The following BCKDHB variants were observed in gnomAD, a reference collection of about 807,000 sequenced individuals.
The protein encoded by BCKDHB is branched chain keto acid dehydrogenase E1 subunit beta, also known as 2-oxoisovalerate dehydrogenase subunit beta, mitochondrial.
A neutral mutation model predicts 48.5 loss-of-function variants in BCKDHB; 41 were observed. The ratio of observed to expected loss-of-function variants is 0.85; its 90% confidence interval spans 0.66 to 1.10. BCKDHB has a LOEUF of 1.10. Among genes scored for constraint, BCKDHB ranks in the 50% least tolerant of loss-of-function variants. BCKDHB has a pLI of 0.00. For synonymous variants in BCKDHB, 201 were observed against 174.8 expected (o/e 1.15, Z -1.18); for missense variants, 496 against 494.2 (o/e 1.00, Z -0.03).
the BCKDHB span, among the ~76,000 whole-genome samples, chr6:80,420,118 T>C: frequency 6.6e-6 from 1 of 152,196 alleles, no homozygotes; most frequent in Non-Finnish European, 1.5e-5. Flanking sequence ...GGTGACTACT[T>C]TGTATTCTTT....
the BCKDHB span, among the ~76,000 whole-genome samples, chr6:80,371,914 T>G: frequency 6.6e-6 from 1 of 152,160 alleles, no homozygotes; most frequent in Non-Finnish European, 1.5e-5. Flanking sequence ...TCAGGTAATG[T>G]GATGCCTCCA....
the BCKDHB span, among the ~76,000 whole-genome samples, chr6:80,399,652 T>G: frequency 2.6e-5 from 4 of 152,164 alleles, no homozygotes; most frequent in Admixed American, 2.0e-4. Flanking sequence ...ATCATTATCA[T>G]TATAATGGCA....
At chr6:80,143,410 C>G (rs1771319806) in intron 3 of BCKDHB, among the ~76,000 whole-genome samples, 1 of 152,124 alleles carries the variant, frequency 6.6e-6, no homozygotes, top group African/African-American at 2.4e-5. Flanking sequence ...ATAAAGTTCA[C>G]TAGGAAAAGT....
At chr6:80,416,002 G>A in the BCKDHB span, among the ~76,000 whole-genome samples, 1 of 151,702 alleles carries the variant, frequency 6.6e-6, no homozygotes, top group Non-Finnish European at 1.5e-5. Flanking sequence ...TGTTTTGGGA[G>A]GGTGTATTTC....
At chr6:80,118,011 C>T (rs942182510) in intron 1 of BCKDHB, among the ~76,000 whole-genome samples, 7 of 152,092 alleles carry the variant, frequency 4.6e-5, no homozygotes, top group Admixed American at 1.3e-4. Flanking sequence ...ATAGACAAGT[C>T]AAGATCTTAC....
At chr6:80,304,972 G>A (rs916255410) in intron 9 of BCKDHB, among the ~76,000 whole-genome samples, 1 of 152,040 alleles carries the variant, frequency 6.6e-6, no homozygotes, top group Non-Finnish European at 1.5e-5. Context: ...GGAAGCATTA[G>A]CTTTAATATC....
At chr6:80,426,937 A>G in the BCKDHB span, among the ~76,000 whole-genome samples, 2 of 152,122 alleles carry the variant, frequency 1.3e-5, no homozygotes, top group African/African-American at 4.8e-5. Flanking sequence ...TCTTTAAACT[A>G]TAATTTTGGA....
At chr6:80,335,966 A>G (rs1257720310) in intron 9 of BCKDHB, among the ~76,000 whole-genome samples, 3 of 152,096 alleles carry the variant, frequency 2.0e-5, no homozygotes, top group Non-Finnish European at 4.4e-5. Context: ...CTGGACAACA[A>G]TAAGCACAGT....
At chr6:80,352,703 A>AT in the BCKDHB span, among the ~76,000 whole-genome samples, 1 of 152,186 alleles carries the variant, frequency 6.6e-6, no homozygotes, top group Non-Finnish European at 1.5e-5. Flanking sequence ...ATTGTGCTCA[A>AT]TTTTTTAAAA....
chr6:80,239,583 C>T (rs1562165364), intron 8 of BCKDHB, among the ~76,000 whole-genome samples: 1 of 152,160 alleles, frequency 6.6e-6, no homozygotes, highest in Non-Finnish European at 1.5e-5. Context: ...GTCTCCTTTG[C>T]TGTGCAGAAG....
chr6:80,370,573 C>T, the BCKDHB span, among the ~76,000 whole-genome samples: 1 of 152,120 alleles, frequency 6.6e-6, no homozygotes, highest in Non-Finnish European at 1.5e-5. Context: ...CCTGAGTCCT[C>T]AAAGTCCATT....
At chr6:80,430,033 C>T in the BCKDHB span, among the ~76,000 whole-genome samples, 1 of 152,248 alleles carries the variant, frequency 6.6e-6, no homozygotes, top group South Asian at 2.1e-4. Context: ...TTTTGAGATA[C>T]GTTCCATCGA....
At chr6:80,231,392 C>T (rs1775918239) in intron 8 of BCKDHB, among the ~76,000 whole-genome samples, 1 of 151,686 alleles carries the variant, frequency 6.6e-6, no homozygotes, top group African/African-American at 2.4e-5. Flanking sequence ...CATTTATAAA[C>T]AAAAATAAAC....
At chr6:80,337,526 TG>T (rs1232993766) in intron 9 of BCKDHB, among the ~76,000 whole-genome samples, 5 of 152,082 alleles carry the variant, frequency 3.3e-5, no homozygotes, top group African/African-American at 7.2e-5. Flanking sequence ...TATTTCTTAA[TG>T]TTTTTTTCCT....
the BCKDHB span, among the ~76,000 whole-genome samples, chr6:80,428,551 A>C: frequency 6.6e-6 from 1 of 152,130 alleles, no homozygotes; most frequent in South Asian, 2.1e-4. Flanking sequence ...CTGACTTTTT[A>C]ATGAACACCA....
intron 1 of BCKDHB, among the ~76,000 whole-genome samples, chr6:80,120,600 C>T (rs1769955523): frequency 6.6e-6 from 1 of 152,130 alleles, no homozygotes; most frequent in South Asian, 2.1e-4. Context: ...ATTTGCATTT[C>T]TCTGATGACC....
the BCKDHB span, among the ~76,000 whole-genome samples, chr6:80,368,126 A>G: frequency 5.0e-3 from 759 of 152,138 alleles, 4 homozygotes; most frequent in African/African-American, 0.017. Flanking sequence ...CATTTCATTC[A>G]CCTTTATAAA....
At chr6:80,309,421 CT>C (rs1768043542) in intron 9 of BCKDHB, among the ~76,000 whole-genome samples, 2 of 152,168 alleles carry the variant, frequency 1.3e-5, no homozygotes, top group Non-Finnish European at 2.9e-5. Context: ...AAAGTGCATT[CT>C]GTGTACTTTT....
At chr6:80,262,915 T>C (rs1282044731) in intron 8 of BCKDHB, among the ~76,000 whole-genome samples, 1 of 152,182 alleles carries the variant, frequency 6.6e-6, no homozygotes, top group Non-Finnish European at 1.5e-5. Flanking sequence ...TTATAGTCCT[T>C]GTCAATGAAA....
Sources: allele counts gnomAD v4.1 joint callset (sites outside exome capture counted in the v4.1 genomes callset), GRCh38; gene constraint gnomAD v4.1.1; transcripts MANE v1.5; gene names NCBI Gene and HGNC (gene_info 2026-07-23, HGNC 2026-07-21).